Variants in AGBL1 observed in about 807,000 individuals in gnomAD.
The protein encoded by AGBL1 is cytosolic carboxypeptidase 4.
AGBL1 carries 130 observed loss-of-function variants against 118.9 expected under a neutral mutation model. The observed-to-expected ratio is 1.09, with a 90% CI of 0.95 to 1.26. The LOEUF is 1.26. Among genes scored for constraint, AGBL1 ranks in the 50% most tolerant of loss-of-function variants. The pLI is 0.00. For synonymous variants in AGBL1, 555 were observed against 478.9 expected, an observed-to-expected ratio of 1.16 and a Z score of -2.08; for missense variants, 1,584 against 1,298.1, an observed-to-expected ratio of 1.22 and a Z score of -3.38.
chr15:86,967,532 C>G (rs371367085), intron 23 of AGBL1, among the ~76,000 whole-genome samples: 1 of 152,102 alleles, frequency 6.6e-6, no homozygotes, highest in Non-Finnish European at 1.5e-5. Flanking sequence ...CCAGTTTCAG[C>G]TTTCTACATA....
intron 23 of AGBL1, among the ~76,000 whole-genome samples, chr15:86,933,604 G>A (rs2080631861): frequency 6.6e-6 from 1 of 152,154 alleles, no homozygotes; most frequent in Non-Finnish European, 1.5e-5. Flanking sequence ...ACAGTCTCAG[G>A]GAATTGGATT....
At chr15:86,218,908 T>C (rs1242253079) in intron 5 of AGBL1, among the ~76,000 whole-genome samples, 3 of 152,220 alleles carry the variant, frequency 2.0e-5, no homozygotes, top group African/African-American at 7.2e-5. Context: ...ATTGCAGCCT[T>C]GTCAGACCGT....
At chr15:86,093,117 A>G (rs558432837) in intron 1 of AGBL1, among the ~76,000 whole-genome samples, 29 of 152,290 alleles carry the variant, frequency 1.9e-4, no homozygotes, top group African/African-American at 6.7e-4. Context: ...TGGAGACCGT[A>G]GTGATCCACT....
At chr15:86,815,716 TAGAG>T (rs1422070907) in intron 22 of AGBL1, among the ~76,000 whole-genome samples, 4 of 148,518 alleles carry the variant, frequency 2.7e-5, no homozygotes. Flanking sequence ...CTGATATATT[TAGAG>T]AGAAGCAAAA....
chr15:86,455,840 C>A (rs1299807319), intron 18 of AGBL1, among the ~76,000 whole-genome samples: 1 of 152,110 alleles, frequency 6.6e-6, no homozygotes, highest in African/African-American at 2.4e-5. Flanking sequence ...TAGTAAGTGG[C>A]AGAGCCAGGA....
chr15:86,974,464 A>G lies in AGBL1; in HGVS notation c.3222-13523A>G, dbSNP rs1177525772. 1.5e-5 allele frequency among the ~76,000 whole-genome samples: 2 copies of G among 133,978 alleles called. 1 individual carries two copies. Among genetic ancestry groups the G allele is most frequent in the Non-Finnish European group, 3.1e-5 (2 of 64,804 alleles). The allele number at this position is 133,978 out of a possible 152,430, so 87.9% of individuals were successfully genotyped here. A position where few individuals can be genotyped will look rare whatever the true frequency, so the allele number is the denominator to read the frequency against. ...AACATATTTTATATATTGAATATAAACATATTTTATATATTGAATATAAAC... is the reference window on the plus strand; with the variant it reads ...AACATATTTTATATATTGAATATAAGCATATTTTATATATTGAATATAAAC... On this transcript the variant is annotated intron_variant, in intron 23 of 24. Transcript: ENST00000441037.
In AGBL1 at chr15:86,725,610, G is replaced by T. The variant is rs145956642; in HGVS notation, c.3158+51174G>T. Among the ~76,000 whole-genome samples, 7 of 152,284 alleles carry T rather than the reference G, an allele frequency of 4.6e-5. No homozygotes were observed. The East Asian group carries it at 1.3e-3, about 29-fold the overall frequency. On this transcript the variant is annotated intron_variant, in intron 22 of 22. Coordinates refer to ENST00000614907, the MANE Select transcript of AGBL1 (RefSeq NM_001386094.1). ...TGTGTGCATGTGTGAACATGTGTGT[G>T]GCAATTTTTCCCATGGAACTCTTCC...
chr15:86,274,895 C>T (rs1164075474), intron 15 of AGBL1, among the ~76,000 whole-genome samples: 1 of 152,074 alleles, frequency 6.6e-6, no homozygotes, highest in South Asian at 2.1e-4. Context: ...CAGTTGATCA[C>T]CCTGCCCCTC....
intron 21 of AGBL1, among the ~76,000 whole-genome samples, chr15:86,663,459 A>G (rs2142521672): frequency 6.6e-6 from 1 of 152,262 alleles, no homozygotes; most frequent in East Asian, 1.9e-4. Context: ...CCTGCTAGTC[A>G]CCACACGAGG....
chr15:86,554,633 G>T, intron 21 of AGBL1, 96 bp downstream of exon 21: 3 of 1,264,478 alleles, frequency 2.4e-6, no homozygotes, highest in Non-Finnish European at 3.1e-6. Flanking sequence ...AAAAGGGGAA[G>T]AAGGCTCCAA....
At chr15:86,455,974 A>G (rs1326742092) in intron 18 of AGBL1, among the ~76,000 whole-genome samples, 1 of 152,108 alleles carries the variant, frequency 6.6e-6, no homozygotes, top group African/African-American at 2.4e-5. Context: ...TTTTTAGCAT[A>G]TTTCCTTGCA....
chr15:86,302,755 G>C (rs1015448454), intron 17 of AGBL1, among the ~76,000 whole-genome samples: 3 of 139,248 alleles, frequency 2.2e-5, no homozygotes, highest in African/African-American at 7.9e-5. Context: ...CTCCAGCCTG[G>C]ATGACAGAGT....
At chr15:86,722,823 C>T (rs1371548740) in intron 22 of AGBL1, among the ~76,000 whole-genome samples, 2 of 151,908 alleles carry the variant, frequency 1.3e-5, no homozygotes, top group African/African-American at 4.8e-5. Context: ...AACAAACAAC[C>T]CCATCAACAA....
At chr15:86,992,389 A>T (rs1191131180) in intron 24 of AGBL1, among the ~76,000 whole-genome samples, 1 of 152,216 alleles carries the variant, frequency 6.6e-6, no homozygotes, top group Non-Finnish European at 1.5e-5. Flanking sequence ...ATATTTAGTT[A>T]ATGCAAAAAT....
chr15:86,295,109 C>G lies in AGBL1; in HGVS notation c.2221-146C>G, dbSNP rs557228861. The stretch of plus-strand genomic sequence containing the variant: ...TCTCCTACACAGTAGAAATAGCCCC[C>G]TTTTAATCACTCAAGGCCCAATACA... On this transcript the variant is annotated intron_variant, in intron 16 of 22. Coordinates refer to ENST00000614907, the MANE Select transcript of AGBL1 (RefSeq NM_001386094.1). The G allele has an allele frequency of 1.6e-5, 15 of 914,088 alleles. No individual in the cohort carries two copies. The South Asian group carries it at 2.3e-4, about 14-fold the overall frequency. 56.6% of individuals were successfully genotyped at this position (914,088 alleles called of 1,614,324 possible). A position where few individuals can be genotyped will look rare whatever the true frequency, so the allele number is the denominator to read the frequency against.
At chr15:86,672,588 C>T (rs886862266) in intron 21 of AGBL1, among the ~76,000 whole-genome samples, 5 of 152,272 alleles carry the variant, frequency 3.3e-5, no homozygotes, top group Admixed American at 3.3e-4. Context: ...ACTGAGCAGG[C>T]AGGTGTGACC....
At chr15:86,830,209 C>T (rs2079084790) in intron 22 of AGBL1, among the ~76,000 whole-genome samples, 1 of 152,016 alleles carries the variant, frequency 6.6e-6, no homozygotes, top group African/African-American at 2.4e-5. Context: ...TTTTTACCTA[C>T]ACATTATACC....
chr15:86,396,878 C>A (rs1034781057), intron 17 of AGBL1, among the ~76,000 whole-genome samples: 1 of 152,150 alleles, frequency 6.6e-6, no homozygotes, highest in Non-Finnish European at 1.5e-5. Context: ...TTTGTGACAT[C>A]TAGCATCATG....
chr15:86,189,630 C>T (rs975099771), intron 5 of AGBL1, among the ~76,000 whole-genome samples: 7 of 152,150 alleles, frequency 4.6e-5, no homozygotes, highest in African/African-American at 1.7e-4. Context: ...CTCTCTTTCT[C>T]TTGCTGCTTC....
Sources: allele counts gnomAD v4.1 joint callset (sites outside exome capture counted in the v4.1 genomes callset), GRCh38; gene constraint gnomAD v4.1.1; transcripts MANE v1.5; gene names NCBI Gene and HGNC (gene_info 2026-07-23, HGNC 2026-07-21).